Variants in MCM6 observed in about 807,000 individuals in gnomAD.
The protein encoded by MCM6 is minichromosome maintenance complex component 6.
Under a neutral mutation model 94.3 loss-of-function variants are expected in MCM6, and 46 were observed. The observed-to-expected ratio is 0.49, with a 90% CI of 0.39 to 0.62. The LOEUF is 0.62. Ranked by LOEUF, MCM6 falls within the 20% of genes least tolerant of loss-of-function variation. MCM6 has a pLI of 0.00. For synonymous variants in MCM6, 335 were observed against 351.9 expected, an observed-to-expected ratio of 0.95 and a Z score of 0.54; for missense variants, 865 against 1,017.9, an observed-to-expected ratio of 0.85 and a Z score of 2.04.
chr2:135,854,205 C>A (rs1024974378), intron 11 of MCM6, among the ~76,000 whole-genome samples: 4 of 150,128 alleles, frequency 2.7e-5, no homozygotes, highest in Non-Finnish European at 5.9e-5. Flanking sequence ...CCAGCCTGGG[C>A]AATACAGCCA....
chr2:135,853,239 G>C (rs919634034), intron 11 of MCM6, among the ~76,000 whole-genome samples: 1 of 152,174 alleles, frequency 6.6e-6, no homozygotes, highest in African/African-American at 2.4e-5. Flanking sequence ...TTGAGGTCAA[G>C]AGTTTGAGAC....
chr2:135,861,059 G>GA (rs1011143337), intron 8 of MCM6, among the ~76,000 whole-genome samples: 86 of 145,256 alleles, frequency 5.9e-4, no homozygotes, highest in African/African-American at 2.0e-3. Flanking sequence ...AGAATGACAA[G>GA]AAAAAAAAAA....
intron 10 of MCM6, 26 bp from the exon 11 acceptor site, chr2:135,856,909 CAG>C: frequency 6.3e-7 from 1 of 1,599,732 alleles, no homozygotes; most frequent in Non-Finnish European, 8.5e-7. Context: ...AGAATCTTAA[CAG>C]ATTTAAATAG....
Position 135,851,493 on chromosome 2 carries a change from A to G in MCM6, c.1826T>C (p.Val609Ala). ...KHLRQRDGSG[V>A]TKSSWRITVR... is the part of the protein sequence containing the mutation. ...TGTAATCCTCCATGAAGACTTGGTC[A>G]CTCCAGAACCATCTCTCTGGCGGAG... Residue 609 changes from valine (V) to alanine (A), a missense_variant, in exon 13 of 17, where the codon GTG (valine) becomes GCG (alanine). Transcript: ENST00000264156. 7.4e-6 allele frequency: 12 copies of G among 1,613,720 alleles called. No homozygotes were observed. The highest frequency in any genetic ancestry group is 1.0e-5 in the Non-Finnish European group (12 of 1,179,884).
At position 135,866,170 on chromosome 2, in the gene MCM6, C is replaced by G. The variant is rs1680091218; in HGVS notation, c.889G>C (p.Val297Leu). Reference protein sequence around the residue: ...LGVRDLSYRLVFLACCVAPTN... With the variant: ...LGVRDLSYRLLFLACCVAPTN... ...GGCGCAACACAGCAGGCAAGAAAGA[C>G]CAGCCTATAAGAAAGGTCCCTAACA... The change falls in exon 6 of 17, where the codon GTC becomes CTC. Residue 297 changes from valine to leucine, a missense_variant. This residue lies in a region of MCM6 where 404 missense variants were observed against 451.9 expected (regional missense o/e 0.89). Coordinates refer to ENST00000264156, the MANE Select transcript of MCM6 (RefSeq NM_005915.6). 1.2e-6 allele frequency: 2 copies of G among 1,614,134 alleles called. No individual in the cohort carries two copies. Among genetic ancestry groups the G allele is most frequent in the South Asian group, 2.2e-5 (2 of 91,082 alleles).
Position 135,866,679 on chromosome 2 carries a change from C to T in MCM6, c.665G>A (p.Arg222His), listed in dbSNP as rs773959284. ...QAELPRGSIPRSLEVILRAEA... is the reference protein window; with the variant it reads ...QAELPRGSIPHSLEVILRAEA... Reference sequence around the variant, plus strand: ...AGCCCTTAAAATTACTTCTAAACTGCGGGGGATACTCCCTCGAGGAAGCTC... The same window carrying T: ...AGCCCTTAAAATTACTTCTAAACTGTGGGGGATACTCCCTCGAGGAAGCTC... Residue 222 changes from arginine to histidine, a missense_variant, in exon 5 of 17, where the codon CGC (arginine) becomes CAC (histidine). By Grantham distance (29) the Arg-to-His change is conservative (BLOSUM62 0). Coordinates refer to ENST00000264156, the MANE Select transcript of MCM6 (RefSeq NM_005915.6). 6.2e-6 allele frequency: 10 copies of T among 1,613,780 alleles called. No individual in the cohort carries two copies. The East Asian group carries it at 1.6e-4, about 25-fold the overall frequency.
intron 16 of MCM6, among the ~76,000 whole-genome samples, chr2:135,842,640 A>G (rs1452975725): frequency 3.9e-5 from 6 of 152,238 alleles, no homozygotes; most frequent in African/African-American, 1.4e-4. Context: ...GCAAGAGCAG[A>G]AGGCTACTAT....
intron 16 of MCM6, among the ~76,000 whole-genome samples, chr2:135,842,788 A>G (rs556216046): frequency 1.3e-5 from 2 of 152,156 alleles, no homozygotes; most frequent in South Asian, 4.1e-4. Context: ...GATCAAGGCC[A>G]GTGTCACTGG....
At chr2:135,868,165 A>G (rs537474175) in intron 4 of MCM6, among the ~76,000 whole-genome samples, 1 of 152,336 alleles carries the variant, frequency 6.6e-6, no homozygotes, top group African/African-American at 2.4e-5. Context: ...CAGGTCTCAC[A>G]TCAAATCATC....
At chr2:135,853,287 C>CA (rs985504020) in intron 11 of MCM6, among the ~76,000 whole-genome samples, 1 of 152,008 alleles carries the variant, frequency 6.6e-6, no homozygotes, top group African/African-American at 2.4e-5. Context: ...CCTGTCTCTA[C>CA]AAAAAAACTA....
At chr2:135,870,459 G>T in intron 2 of MCM6, 98 bp from the exon 3 acceptor site, 1 of 809,512 alleles carries the variant, frequency 1.2e-6, no homozygotes, top group Non-Finnish European at 2.1e-6. Flanking sequence ...ATTTCATCTG[G>T]TTACAACTAA....
chr2:135,853,733 GA>G (rs55820219), intron 11 of MCM6, among the ~76,000 whole-genome samples: 74,062 of 147,786 alleles, frequency 0.5, 22,411 homozygotes, highest in Non-Finnish European at 0.7. Flanking sequence ...CAGAATACTG[GA>G]AAAAAAAAAA....
In MCM6 at chr2:135,840,797, C is replaced by T. The variant is rs1483226140; in HGVS notation, c.*38G>A. The T allele has an allele frequency of 7.7e-6, 11 of 1,433,560 alleles. No individual in the cohort carries two copies. The highest frequency in any genetic ancestry group is 1.1e-5 in the Non-Finnish European group (11 of 1,016,158). The allele number at this position is 1,433,560 out of a possible 1,614,324, so 88.8% of individuals were successfully genotyped here. On this transcript the variant is annotated 3_prime_UTR_variant, in exon 17 of 17. Transcript: ENST00000264156. ...AGGCTCCAGGCCACGAGGTGCTGTGCCACAGTTCCTCAGCTCTGGTCAGTT... is the reference window on the plus strand; with the variant it reads ...AGGCTCCAGGCCACGAGGTGCTGTGTCACAGTTCCTCAGCTCTGGTCAGTT...
chr2:135,843,813 C>T (rs1679623473), intron 16 of MCM6, among the ~76,000 whole-genome samples: 1 of 150,800 alleles, frequency 6.6e-6, no homozygotes, highest in Admixed American at 6.6e-5. Flanking sequence ...CAGGAGGATA[C>T]AGTGACTCAG....
At chr2:135,852,988 A>C (rs1239572139) in intron 11 of MCM6, 73 bp from the exon 12 acceptor site, 5 of 1,374,010 alleles carry the variant, frequency 3.6e-6, no homozygotes, top group Non-Finnish European at 4.9e-6. Context: ...GCAATAAGAA[A>C]TGATTTATCG....
intron 11 of MCM6, 104 bp downstream of exon 11, chr2:135,856,624 A>T: frequency 1.9e-3 from 1,852 of 980,398 alleles, no homozygotes; most frequent in Non-Finnish European, 2.5e-3. Flanking sequence ...GGGAAATCAA[A>T]GGCTGGTGCA....
At chr2:135,846,145 GAAC>G in intron 15 of MCM6, 89 bp downstream of exon 15, 5 of 1,314,166 alleles carry the variant, frequency 3.8e-6, no homozygotes, top group Non-Finnish European at 5.4e-6. Flanking sequence ...TCTTCCGACA[GAAC>G]AACACGAAGT....
intron 5 of MCM6, 53 bp downstream of exon 5, chr2:135,866,510 T>A: frequency 6.4e-7 from 1 of 1,551,286 alleles, no homozygotes; most frequent in Non-Finnish European, 8.7e-7. Flanking sequence ...AGCTAGATAC[T>A]GTGCAGTTTA....
At chr2:135,858,334 A>C (rs1046372399) in intron 9 of MCM6, among the ~76,000 whole-genome samples, 4 of 152,122 alleles carry the variant, frequency 2.6e-5, no homozygotes, top group African/African-American at 9.7e-5. Context: ...TGAAAATACA[A>C]AAATTAGCCA....
Sources: gnomAD v4.1 joint callset for allele counts (sites outside exome capture counted in the v4.1 genomes callset) on GRCh38, gnomAD v4.1.1 for gene constraint, gnomAD v4.1.1 regional missense constraint, MANE v1.5 for transcripts, NCBI Gene and HGNC (gene_info 2026-07-23, HGNC 2026-07-21) for gene names.